Variants in UNK observed in about 807,000 individuals in gnomAD.
UNK encodes the protein RING finger protein unkempt homolog.
A neutral mutation model predicts 97.6 loss-of-function variants in UNK; 32 were observed. The ratio of observed to expected loss-of-function variants is 0.33; its 90% CI spans 0.25 to 0.44. The LOEUF is 0.44. Among genes scored for constraint, UNK ranks in the 20% least tolerant of loss-of-function variants. The pLI is 1.00. For missense variants in UNK, 771 were observed against 1,098.4 expected (o/e 0.70, Z 4.21); for synonymous variants, 441 against 461.2 (o/e 0.96, Z 0.56).
intron 1 of UNK, among the ~76,000 whole-genome samples, chr17:75,791,320 G>T (rs534517711): frequency 6.6e-6 from 1 of 152,290 alleles, no homozygotes; most frequent in South Asian, 2.1e-4. Flanking sequence ...AGGCAGTTTT[G>T]TCAGTTTATG....
intron 1 of UNK, chr17:75,808,857 C>G (rs2061942324): frequency 1.3e-5 from 2 of 152,214 alleles, no homozygotes; most frequent in Non-Finnish European, 1.5e-5. Flanking sequence ...AACAAAAACC[C>G]AGATGTAAGG....
chr17:75,816,671 G>GCTTTTATGTCCCTTTATGAGACCA lies in UNK; in HGVS notation c.962-98_962-97insTTTTATGTCCCTTTATGAGACCAC, dbSNP rs1301563827. 9.9e-6 allele frequency: 14 copies of GCTTTTATGTCCCTTTATGAGACCA among 1,411,010 alleles called. No individual in the cohort carries two copies. Among genetic ancestry groups the GCTTTTATGTCCCTTTATGAGACCA allele is most frequent in the Non-Finnish European group, 1.2e-5 (13 of 1,065,844 alleles). The allele number at this position is 1,411,010 out of a possible 1,614,324, so 87.4% of individuals were successfully genotyped here. A position where few individuals can be genotyped will look rare whatever the true frequency, so the allele number is the denominator to read the frequency against. On this transcript the variant is annotated intron_variant, in intron 7 of 15. Transcript: ENST00000589666. The surrounding 1 kb of genome is among the most constrained non-coding windows in gnomAD (Gnocchi z 4.0). Reference sequence around the variant, plus strand: ...TGTCGTAGGAACCTTCCCTTTATGTGCAGGGGGATTTGTGGTCTCCTTTGG... The same window carrying GCTTTTATGTCCCTTTATGAGACCA: ...TGTCGTAGGAACCTTCCCTTTATGTGCTTTTATGTCCCTTTATGAGACCACAGGGGGATTTGTGGTCTCCTTTGG...
chr17:75,811,335 C>A (rs1179636129), intron 2 of UNK, among the ~76,000 whole-genome samples: 1 of 152,194 alleles, frequency 6.6e-6, no homozygotes, highest in Non-Finnish European at 1.5e-5. Context: ...AAATTCCTGG[C>A]CTCAAATGAT....
chr17:75,787,779 T>G (rs2143660272), intron 1 of UNK, among the ~76,000 whole-genome samples: 1 of 150,798 alleles, frequency 6.6e-6, no homozygotes, highest in East Asian at 2.0e-4. Context: ...GAGCAGAGAT[T>G]GTGCCACTGC....
At chr17:75,792,687 A>G (rs1050825076) in intron 1 of UNK, 2 of 166,392 alleles carry the variant, frequency 1.2e-5, no homozygotes, top group African/African-American at 2.4e-5. Flanking sequence ...TGCATGGGAT[A>G]ATAGGTACAG....
In UNK at chr17:75,784,994, G is replaced by GCCCCCCCCCCCCCCCCCCCCCCCC. The variant is rs11335367; in HGVS notation, c.104+23_104+24insCCCCCCCCCCCCCCCCCCCCCCCC. 1 of 987,888 alleles carries GCCCCCCCCCCCCCCCCCCCCCCCC rather than the reference G, an allele frequency of 1.0e-6. No individual in the cohort carries two copies. Among genetic ancestry groups the GCCCCCCCCCCCCCCCCCCCCCCCC allele is most frequent in the Admixed American group, 4.9e-5 (1 of 20,422 alleles). 61.2% of individuals were successfully genotyped at this position (987,888 alleles called of 1,614,324 possible). ...AACCGCAGCACTACACGTACGTAGA[G>GCCCCCCCCCCCCCCCCCCCCCCCC]CCCCCCCCCCCCCGCCGCGCGCGCA... On this transcript the variant is annotated intron_variant, in intron 1 of 15. Transcript: ENST00000589666.
At chr17:75,814,224 A>G (rs9913290) in intron 6 of UNK, among the ~76,000 whole-genome samples, 135,422 of 152,006 alleles carry the variant, frequency 0.89, 60,939 homozygotes, top group Non-Finnish European at 0.96. Context: ...AAATAGGGCC[A>G]GGCACGGTGG....
Position 75,818,848 on chromosome 17 carries a change from G to T in UNK, c.1546+32G>T. 1 of 1,536,062 alleles carries T rather than the reference G, an allele frequency of 6.5e-7. No individual in the cohort carries two copies. Among genetic ancestry groups the T allele is most frequent in the Non-Finnish European group, 8.8e-7 (1 of 1,137,348 alleles). The stretch of plus-strand genomic sequence containing the variant: ...AGGCCATTTCTGTTTGAAAGCCCAG[G>T]ACTGGGTCTGGGGTCAGAGACCCCC... On this transcript the variant is annotated intron_variant, in intron 11 of 15. Transcript: ENST00000589666. The surrounding 1 kb of genome is among the most constrained non-coding windows in gnomAD (Gnocchi z 5.1).
Position 75,823,529 on chromosome 17 carries a change from C to G in UNK, c.2277+7C>G. 1.3e-6 allele frequency: 2 copies of G among 1,542,068 alleles called. No individual in the cohort carries two copies. Among genetic ancestry groups the G allele is most frequent in the Non-Finnish European group, 1.8e-6 (2 of 1,137,820 alleles). On this transcript the variant is annotated splice_region_variant and intron_variant, in intron 15 of 15. Coordinates refer to ENST00000589666, the MANE Select transcript of UNK (RefSeq NM_001080419.3). Reference sequence around the variant, plus strand: ...CCTGGAACAAGTGGACAAGGTCAGCCCAGGTCGGGGAGCACTGGGTGGGAT... The same window carrying G: ...CCTGGAACAAGTGGACAAGGTCAGCGCAGGTCGGGGAGCACTGGGTGGGAT...
At chr17:75,795,437 T>G (rs951405577) in intron 1 of UNK, among the ~76,000 whole-genome samples, 3 of 152,060 alleles carry the variant, frequency 2.0e-5, no homozygotes, top group African/African-American at 7.2e-5. Context: ...CCTCCCGGGT[T>G]CAAGTGATTG....
At chr17:75,821,482 G>T in intron 13 of UNK, 1 of 438,934 alleles carries the variant, frequency 2.3e-6, no homozygotes, top group Non-Finnish European at 4.6e-6. Flanking sequence ...CTGCAGGGCT[G>T]GTCTCATGTG....
intron 1 of UNK, among the ~76,000 whole-genome samples, chr17:75,790,236 G>A (rs1286157129): frequency 6.6e-6 from 1 of 152,042 alleles, no homozygotes; most frequent in East Asian, 1.9e-4. Context: ...GGCGGGGGTT[G>A]CAGTGAGCCG....
intron 1 of UNK, chr17:75,792,381 A>G (rs552385495): frequency 4.1e-6 from 4 of 985,256 alleles, no homozygotes; most frequent in Non-Finnish European, 4.8e-6. Context: ...GATTGCAACT[A>G]TGGACAGTTA....
At chr17:75,811,751 G>T (rs55783202) in intron 2 of UNK, among the ~76,000 whole-genome samples, 20,159 of 152,170 alleles carry the variant, frequency 0.13, 1,438 homozygotes, top group Non-Finnish European at 0.15. Context: ...CACTTTGGGA[G>T]GTTGAGGTGG....
At chr17:75,794,606 C>T (rs1048203951) in intron 1 of UNK, among the ~76,000 whole-genome samples, 3 of 151,612 alleles carry the variant, frequency 2.0e-5, no homozygotes, top group African/African-American at 7.3e-5. Flanking sequence ...CCATTGCACT[C>T]CAACCTGGGC....
At chr17:75,804,278 A>AC (rs1266228458) in intron 1 of UNK, among the ~76,000 whole-genome samples, 1 of 151,954 alleles carries the variant, frequency 6.6e-6, no homozygotes, top group Non-Finnish European at 1.5e-5. Context: ...AGATGGGGAA[A>AC]CCCCATCTCT....
chr17:75,801,650 G>A lies in UNK; in HGVS notation c.105-8110G>A, dbSNP rs984512663. Among the ~76,000 whole-genome samples, 5 of 150,952 alleles carry A rather than the reference G, an allele frequency of 3.3e-5. No homozygotes were observed. In the South Asian group the frequency reaches 6.3e-4, roughly 19 times the overall value. On this transcript the variant is annotated intron_variant, in intron 1 of 15. Coordinates refer to ENST00000589666, the MANE Select transcript of UNK (RefSeq NM_001080419.3). ...CAGCCTCCACCTCCTGGGCTCAAGCGATTCTCCTGCCTCAGCCTCCTGAGT... is the reference window on the plus strand; with the variant it reads ...CAGCCTCCACCTCCTGGGCTCAAGCAATTCTCCTGCCTCAGCCTCCTGAGT...
intron 13 of UNK, chr17:75,821,565 C>CA (rs755888524): frequency 1.1e-5 from 5 of 455,432 alleles, no homozygotes; most frequent in Non-Finnish European, 2.2e-5. Flanking sequence ...AGGGTCTCCG[C>CA]ACAGGACCAT....
chr17:75,819,723 T>A lies in UNK; in HGVS notation c.1586T>A (p.Val529Glu). The part of the protein sequence containing the change: ...LDDLDLNEFG[V>E]AALEKTFDNS... Reference sequence around the variant, plus strand: ...GACCTGGACCTGAATGAGTTTGGCGTGGCCGCCCTGGAGAAGACTTTCGAT... The same window carrying A: ...GACCTGGACCTGAATGAGTTTGGCGAGGCCGCCCTGGAGAAGACTTTCGAT... Residue 529 changes from valine (V) to glutamate (E), a missense_variant, in exon 12 of 16, where the codon GTG becomes GAG. Val to Glu is a moderately radical substitution (Grantham distance 121). Around this residue, in one of 5 missense-constraint regions of UNK, gnomAD observed 91 missense variants for 173.1 expected, o/e 0.53. Coordinates refer to ENST00000589666, the MANE Select transcript of UNK (RefSeq NM_001080419.3). This position sits in a 1 kb window ranked among gnomAD's most constrained non-coding sequence, Gnocchi z 5.4. 1.2e-6 allele frequency: 2 copies of A among 1,613,908 alleles called. No individual in the cohort carries two copies. Among genetic ancestry groups the A allele is most frequent in the Non-Finnish European group, 1.7e-6 (2 of 1,179,904 alleles).
Sources: allele counts gnomAD v4.1 joint callset (sites outside exome capture counted in the v4.1 genomes callset), GRCh38; gene constraint gnomAD v4.1.1; regional missense constraint gnomAD v4.1.1; non-coding constraint Gnocchi (gnomAD v3.1); transcripts MANE v1.5; gene names NCBI Gene and HGNC (gene_info 2026-07-23, HGNC 2026-07-21).